Variants in ATG9B observed in about 807,000 individuals in gnomAD.
The protein encoded by ATG9B is autophagy related 9B.
A neutral mutation model predicts 92.9 loss-of-function variants in ATG9B; 92 were observed. The ratio of observed to expected loss-of-function variants is 0.99; its 90% confidence interval spans 0.84 to 1.18. The LOEUF is 1.18. ATG9B is among the 50% of genes most tolerant of loss of function. ATG9B has a pLI of 0.00. For missense variants in ATG9B, 1,344 were observed against 1,235.0 expected, an observed-to-expected ratio of 1.09 and a Z score of -1.32; for synonymous variants, 599 against 551.4, an observed-to-expected ratio of 1.09 and a Z score of -1.21.
At chr7:151,015,770 C>G in intron 13 of ATG9B, 57 bp from the exon 14 acceptor site, 1 of 1,378,878 alleles carries the variant, frequency 7.3e-7, no homozygotes. Context: ...CCAGAGATGA[C>G]CACCTCCCAT....
downstream of ATG9B, chr7:151,013,629 C>G: frequency 8.0e-7 from 1 of 1,255,800 alleles, no homozygotes; most frequent in Non-Finnish European, 1.1e-6. Flanking sequence ...CAGGCCCGCT[C>G]CGGAGACTTT....
At chr7:151,023,375 G>C in intron 3 of ATG9B, 70 bp downstream of exon 3, 5 of 1,602,686 alleles carry the variant, frequency 3.1e-6, no homozygotes, top group Non-Finnish European at 3.4e-6. Flanking sequence ...GCACAATTAA[G>C]GAAGCAAAAT....
At chr7:151,014,226 C>G, downstream of ATG9B, 1 of 1,519,496 alleles carries the variant, frequency 6.6e-7, no homozygotes, top group Non-Finnish European at 8.9e-7. Flanking sequence ...CTCAGGTCCG[C>G]CCGACCAGGA....
At chr7:151,013,711 C>T (rs1795365364), downstream of ATG9B, 2 of 1,579,842 alleles carry the variant, frequency 1.3e-6, no homozygotes, top group Non-Finnish European at 1.7e-6. Flanking sequence ...GCCCTAACCC[C>T]GCCGCCCCGC....
chr7:151,018,784 C>T lies in ATG9B; in HGVS notation c.1554G>A (p.Ala518=), dbSNP rs1416388495. The part of the protein sequence containing the change: ...RPAAAFLRTA[A]PPAPLRTLLA... ...GCAGCGTGCGCAGGGGCGCGGGGGG[C>T]GCAGCGGTGCGCAGGAAGGCGGCGG... The change falls in exon 6 of 14, where the codon GCG becomes GCA. Residue 518 remains alanine, a synonymous_variant. Coordinates refer to ENST00000639579, the MANE Select transcript of ATG9B (RefSeq NM_001317056.2). The surrounding 1 kb of genome is among the most constrained non-coding windows in gnomAD (Gnocchi z 4.7). 5.8e-6 allele frequency: 8 copies of T among 1,375,924 alleles called. No homozygotes were observed. Among genetic ancestry groups the T allele is most frequent in the East Asian group, 3.1e-5 (1 of 32,622 alleles). The allele number at this position is 1,375,924 out of a possible 1,614,324, so 85.2% of individuals were successfully genotyped here. A position where few individuals can be genotyped will look rare whatever the true frequency, so the allele number is the denominator to read the frequency against.
downstream of ATG9B, chr7:151,013,719 C>A (rs927913906): frequency 6.3e-7 from 1 of 1,593,898 alleles, no homozygotes; most frequent in South Asian, 1.1e-5. Flanking sequence ...CCCGCCGCCC[C>A]GCAGACCTAC....
chr7:151,020,577 G>A (rs899439575), intron 5 of ATG9B, among the ~76,000 whole-genome samples: 4 of 152,246 alleles, frequency 2.6e-5, no homozygotes, highest in African/African-American at 9.6e-5. Flanking sequence ...GCAAGCTGCA[G>A]AAGGCTACTT....
At chr7:151,013,713 C>A (rs752118298), downstream of ATG9B, 2 of 1,582,806 alleles carry the variant, frequency 1.3e-6, no homozygotes, top group Non-Finnish European at 1.7e-6. Flanking sequence ...CCTAACCCCG[C>A]CGCCCCGCAG....
Position 151,016,835 on chromosome 7 carries a change from G to T in ATG9B, c.2290-14C>A. 1 of 1,594,642 alleles carries T rather than the reference G, an allele frequency of 6.3e-7. No individual in the cohort carries two copies. The highest frequency in any genetic ancestry group is 1.1e-5 in the South Asian group (1 of 88,014). ...GAAGGCCTCAGGCTGGGTGCAAGAG[G>T]AGAGGGAAAGCCAAAGAGGGAGTCA... On this transcript the variant is annotated splice_polypyrimidine_tract_variant and intron_variant, in intron 9 of 13. Transcript: ENST00000639579.
rs1584926215 is a variant in ATG9B, at chr7:151,018,789, C to G, written c.1549G>C (p.Ala517Pro). Reference sequence around the variant, plus strand: ...GTGCGCAGGGGCGCGGGGGGCGCAGCGGTGCGCAGGAAGGCGGCGGCGGGG... The same window carrying G: ...GTGCGCAGGGGCGCGGGGGGCGCAGGGGTGCGCAGGAAGGCGGCGGCGGGG... Reference protein sequence around the residue: ...YRPAAAFLRTAAPPAPLRTLL... With the variant: ...YRPAAAFLRTPAPPAPLRTLL... Residue 517 changes from alanine (A) to proline (P), a missense_variant, in exon 6 of 14, where the codon GCT (alanine) becomes CCT (proline). Physicochemically the swap from Ala to Pro is conservative, Grantham distance 27. Coordinates refer to ENST00000639579, the MANE Select transcript of ATG9B (RefSeq NM_001317056.2). The surrounding 1 kb of genome is among the most constrained non-coding windows in gnomAD (Gnocchi z 4.7). 7.3e-7 allele frequency: 1 copy of G among 1,375,066 alleles called. No homozygotes were observed. Among genetic ancestry groups the G allele is most frequent in the East Asian group, 3.1e-5 (1 of 32,584 alleles). 85.2% of individuals were successfully genotyped at this position (1,375,066 alleles called of 1,614,324 possible).
chr7:151,017,139 C>G lies in ATG9B; in HGVS notation c.2186G>C (p.Gly729Ala). The G allele has an allele frequency of 6.2e-7, 1 of 1,612,894 alleles. No individual in the cohort carries two copies. The highest frequency in any genetic ancestry group is 8.5e-7 in the Non-Finnish European group (1 of 1,179,760). ...RPPGHSSKFL[G>A]HLWGRVQQDA... Reference sequence around the variant, plus strand: ...TTGTTGTACTCGGCCCCAGAGGTGCCCAAGAAACTTAGAGCTGTGCCCTGG... The same window carrying G: ...TTGTTGTACTCGGCCCCAGAGGTGCGCAAGAAACTTAGAGCTGTGCCCTGG... Residue 729 changes from glycine (G) to alanine (A), a missense_variant, in exon 9 of 14, where the codon GGG becomes GCG. Transcript: ENST00000639579.
chr7:151,014,329 A>G, downstream of ATG9B: 1 of 811,710 alleles, frequency 1.2e-6, no homozygotes, highest in Non-Finnish European at 1.9e-6. Context: ...AAGGAGCAAA[A>G]CGCCTCTTTT....
At chr7:151,021,948 C>T (rs79684285) in intron 4 of ATG9B, among the ~76,000 whole-genome samples, 2,927 of 149,734 alleles carry the variant, frequency 0.02, 237 homozygotes, top group Non-Finnish European at 0.033. Flanking sequence ...CACGCCCAGC[C>T]GCACTCTTAC....
intron 4 of ATG9B, among the ~76,000 whole-genome samples, chr7:151,021,652 C>CT (rs36096005): frequency 0.13 from 18,637 of 142,128 alleles, 1,393 homozygotes; most frequent in South Asian, 0.23. Context: ...CTTGTACACT[C>CT]TTTTTTTTTT....
At chr7:151,014,141 C>G, downstream of ATG9B, 1 of 1,610,072 alleles carries the variant, frequency 6.2e-7, no homozygotes. Flanking sequence ...GCGTTCGACC[C>G]TCCCGGCTCA....
At position 151,024,033 on chromosome 7, in the gene ATG9B, G is replaced by T. The variant is rs1479170491; in HGVS notation, c.391C>A (p.Gln131Lys). The change falls in exon 1 of 14, where the codon CAG becomes AAG. Residue 131 changes from glutamine to lysine, a missense_variant. Transcript: ENST00000639579. Reference protein sequence around the residue: ...PLAPATPTPSQQCPQDSPGLR... With the variant: ...PLAPATPTPSKQCPQDSPGLR... ...CCAGGAGAGTCCTGGGGGCACTGCT[G>T]TGAGGGAGTGGGGGTTGCCGGGGCC... 1.9e-6 allele frequency: 3 copies of T among 1,591,558 alleles called. 1 individual carries two copies. The South Asian group carries it at 3.4e-5, about 18-fold the overall frequency.
Position 151,018,488 on chromosome 7 carries a change from G to C in ATG9B, c.1719-41C>G. 6.6e-7 allele frequency: 1 copy of C among 1,515,890 alleles called. No homozygotes were observed. The allele number at this position is 1,515,890 out of a possible 1,614,324, so 93.9% of individuals were successfully genotyped here. A position where few individuals can be genotyped will look rare whatever the true frequency, so the allele number is the denominator to read the frequency against. On this transcript the variant is annotated intron_variant, in intron 6 of 13. Transcript: ENST00000639579. The surrounding 1 kb of genome is among the most constrained non-coding windows in gnomAD (Gnocchi z 4.7). ...CGTGGGGGGAAGGGGCCTGCGATTAGGAGGACGCGCGGTGGGATGTAGGGC... is the reference window on the plus strand; with the variant it reads ...CGTGGGGGGAAGGGGCCTGCGATTACGAGGACGCGCGGTGGGATGTAGGGC...
At position 151,015,942 on chromosome 7, in the gene ATG9B, G is replaced by A. The variant is rs752889707; in HGVS notation, c.2729C>T (p.Thr910Ile). ...RNLFPGGFQV[T>I]TDTQKEPDRA... The stretch of plus-strand genomic sequence containing the variant: ...GTCAGGCTCCTTCTGGGTGTCTGTG[G>A]TCACCTGAAACCCTCCGGGGAACAG... The change falls in exon 13 of 14, where the codon ACC becomes ATC. Residue 910 changes from threonine (T) to isoleucine (I), a missense_variant. Thr to Ile is a moderately conservative substitution (Grantham distance 89). Transcript: ENST00000639579. 5.8e-6 allele frequency: 9 copies of A among 1,551,538 alleles called. No individual in the cohort carries two copies. The highest frequency in any genetic ancestry group is 7.8e-6 in the Non-Finnish European group (9 of 1,146,992).
chr7:151,017,726 G>T, intron 8 of ATG9B, 145 bp downstream of exon 8: 1 of 1,027,204 alleles, frequency 9.7e-7, no homozygotes, highest in Non-Finnish European at 1.4e-6. Flanking sequence ...GACAGACGAG[G>T]GCACGAGAGC....
Sources: gnomAD v4.1 joint callset for allele counts (sites outside exome capture counted in the v4.1 genomes callset) on GRCh38, gnomAD v4.1.1 for gene constraint, Gnocchi (gnomAD v3.1) non-coding constraint, MANE v1.5 for transcripts, NCBI Gene and HGNC (gene_info 2026-07-23, HGNC 2026-07-21) for gene names.